Variants in LYPLAL1 observed in about 807,000 individuals in gnomAD.
LYPLAL1 encodes the protein lysophospholipase like 1, also known as lysophospholipase-like protein 1.
In LYPLAL1, 23 loss-of-function variants were observed where a neutral mutation model predicts 19.7. That is an observed-to-expected ratio of 1.17 (90% CI 0.84 to 1.65). The LOEUF (loss-of-function observed/expected upper bound fraction) is 1.65, where lower values mean the gene tolerates loss of function less well. LYPLAL1 is among the 40% of genes most tolerant of loss of function. LYPLAL1 has a pLI of 0.00. For missense variants in LYPLAL1, 355 were observed against 279.4 expected (o/e 1.27, Z -1.93); for synonymous variants, 119 against 96.3 (o/e 1.24, Z -1.38).
At chr1:219,215,387 T>C (rs1486825403), downstream of LYPLAL1, among the ~76,000 whole-genome samples, 1 of 152,150 alleles carries the variant, frequency 6.6e-6, no homozygotes, top group African/African-American at 2.4e-5. Flanking sequence ...CTGGTTTTAG[T>C]AGTCTCTGTT....
the LYPLAL1 span, among the ~76,000 whole-genome samples, chr1:219,322,955 T>A: frequency 6.6e-6 from 1 of 152,182 alleles, no homozygotes; most frequent in Non-Finnish European, 1.5e-5. Flanking sequence ...AATAGGAAAG[T>A]TCTGTGGGAA....
chr1:219,295,799 T>C, the LYPLAL1 span, among the ~76,000 whole-genome samples: 1 of 152,186 alleles, frequency 6.6e-6, no homozygotes, highest in Non-Finnish European at 1.5e-5. Context: ...CTCTTTTGCT[T>C]ACAGAATCAA....
chr1:219,256,456 C>A, the LYPLAL1 span, among the ~76,000 whole-genome samples: 1 of 150,462 alleles, frequency 6.6e-6, no homozygotes, highest in Admixed American at 6.6e-5. Flanking sequence ...TTTCTCCCTT[C>A]CTTTCTCCTT....
At chr1:219,303,441 C>T in the LYPLAL1 span, among the ~76,000 whole-genome samples, 5 of 152,296 alleles carry the variant, frequency 3.3e-5, no homozygotes, top group South Asian at 1.0e-3. Flanking sequence ...AGGGTTGTGC[C>T]TGGGGCTTGG....
At chr1:219,445,067 A>T in the LYPLAL1 span, among the ~76,000 whole-genome samples, 2 of 149,660 alleles carry the variant, frequency 1.3e-5, no homozygotes, top group Admixed American at 1.3e-4. Context: ...AATCCTGTGA[A>T]TAAAAAAAAA....
At chr1:219,304,099 C>T in the LYPLAL1 span, among the ~76,000 whole-genome samples, 1 of 152,048 alleles carries the variant, frequency 6.6e-6, no homozygotes, top group Non-Finnish European at 1.5e-5. Flanking sequence ...TGTAAATTAC[C>T]TTCTCTCTCT....
chr1:219,241,130 C>CTATATATATATATATATATA, the LYPLAL1 span, among the ~76,000 whole-genome samples: 2 of 71,100 alleles, frequency 2.8e-5, no homozygotes, highest in African/African-American at 4.6e-5. Flanking sequence ...CTCTCTCTCT[C>CTATATATATATATATATATA]TCTCTATATA....
intron 2 of LYPLAL1, among the ~76,000 whole-genome samples, chr1:219,188,410 C>G (rs1176002154): frequency 6.6e-6 from 1 of 151,628 alleles, no homozygotes; most frequent in Non-Finnish European, 1.5e-5. Context: ...CGGAGCCCAC[C>G]ATGCAGAAAT....
chr1:219,242,125 G>A, the LYPLAL1 span, among the ~76,000 whole-genome samples: 2 of 152,290 alleles, frequency 1.3e-5, no homozygotes, highest in East Asian at 3.9e-4. Flanking sequence ...AGGCATCAAA[G>A]TGAGAAAGCA....
chr1:219,224,252 A>G, the LYPLAL1 span, among the ~76,000 whole-genome samples: 1 of 152,222 alleles, frequency 6.6e-6, no homozygotes, highest in Admixed American at 6.5e-5. Context: ...GAGCAAATAT[A>G]TGACTCTTTT....
At chr1:219,303,367 T>G in the LYPLAL1 span, among the ~76,000 whole-genome samples, 2 of 151,834 alleles carry the variant, frequency 1.3e-5, no homozygotes, top group African/African-American at 2.4e-5. Context: ...ATAAATAATT[T>G]AAGAGTCATG....
the LYPLAL1 span, among the ~76,000 whole-genome samples, chr1:219,441,344 A>G: frequency 6.6e-6 from 1 of 152,226 alleles, no homozygotes; most frequent in Non-Finnish European, 1.5e-5. Flanking sequence ...TTTCTATTTT[A>G]GAGATAAAGA....
the LYPLAL1 span, among the ~76,000 whole-genome samples, chr1:219,249,947 T>A: frequency 1.3e-5 from 2 of 152,070 alleles, no homozygotes; most frequent in Non-Finnish European, 2.9e-5. Context: ...CACAGACTGG[T>A]GACATATAGT....
chr1:219,248,721 C>G, the LYPLAL1 span, among the ~76,000 whole-genome samples: 1 of 151,942 alleles, frequency 6.6e-6, no homozygotes, highest in Non-Finnish European at 1.5e-5. Context: ...GGCGTGAAGG[C>G]TATAGTAAAA....
the LYPLAL1 span, among the ~76,000 whole-genome samples, chr1:219,430,287 CAAAAAAAA>C: frequency 2.7e-4 from 19 of 69,788 alleles, no homozygotes; most frequent in Admixed American, 1.0e-3. Flanking sequence ...GATCCTAGCT[CAAAAAAAA>C]AAAAAAAAAA....
chr1:219,211,572 G>T lies in LYPLAL1; in HGVS notation c.558G>T (p.Trp186Cys), dbSNP rs1659046781. The change falls in exon 5 of 5, where the codon TGG (tryptophan) becomes TGT (cysteine). Residue 186 changes from tryptophan to cysteine, a missense_variant. Transcript: ENST00000366928. Reference protein sequence around the residue: ...GTADELVLHSWAEETNSMLKS... With the variant: ...GTADELVLHSCAEETNSMLKS... ...CAGATGAGTTAGTTCTTCATTCTTGGGCAGAAGAGACAAACTCAATGTTAA... is the reference window on the plus strand; with the variant it reads ...CAGATGAGTTAGTTCTTCATTCTTGTGCAGAAGAGACAAACTCAATGTTAA... 1.2e-6 allele frequency: 2 copies of T among 1,613,102 alleles called. No individual in the cohort carries two copies. Among genetic ancestry groups the T allele is most frequent in the Non-Finnish European group, 1.7e-6 (2 of 1,179,386 alleles).
chr1:219,361,798 G>C, the LYPLAL1 span, among the ~76,000 whole-genome samples: 2 of 152,146 alleles, frequency 1.3e-5, no homozygotes, highest in Non-Finnish European at 2.9e-5. Context: ...AAAAGAACTT[G>C]AGTCTTAGAG....
chr1:219,420,105 G>T, the LYPLAL1 span, among the ~76,000 whole-genome samples: 1 of 152,186 alleles, frequency 6.6e-6, no homozygotes, highest in Non-Finnish European at 1.5e-5. Context: ...CATAGATCTT[G>T]GCAGGAAGAC....
the LYPLAL1 span, among the ~76,000 whole-genome samples, chr1:219,442,338 GA>G: frequency 3.6e-4 from 55 of 151,954 alleles, no homozygotes; most frequent in African/African-American, 9.9e-4. Context: ...ATTTTCACAG[GA>G]AAAAAAAGTT....
Sources: allele counts gnomAD v4.1 joint callset (sites outside exome capture counted in the v4.1 genomes callset), GRCh38; gene constraint gnomAD v4.1.1; transcripts MANE v1.5; gene names NCBI Gene and HGNC (gene_info 2026-07-23, HGNC 2026-07-21).